ATP6V1C2: variants seen among roughly 807,000 people sequenced by gnomAD.
ATP6V1C2 encodes ATPase H+ transporting V1 subunit C2, also known as V-type proton ATPase subunit C 2.
ATP6V1C2 carries 45 observed loss-of-function variants against 56.8 expected under a neutral mutation model. The observed-to-expected ratio is 0.79, with a 90% CI of 0.62 to 1.02. The LOEUF (loss-of-function observed/expected upper bound fraction) is 1.02. Ranked by LOEUF, ATP6V1C2 falls within the 50% of genes least tolerant of loss-of-function variation. ATP6V1C2 has a pLI of 0.00. For missense variants in ATP6V1C2, 463 were observed against 519.7 expected (o/e 0.89, Z 1.06); for synonymous variants, 220 against 201.3 (o/e 1.09, Z -0.79).
intron 4 of ATP6V1C2, chr2:10,757,394 A>C: frequency 2.5e-6 from 1 of 395,434 alleles, no homozygotes; most frequent in East Asian, 3.6e-5. Context: ...GTATGTCTAT[A>C]TGGCTTAATA....
chr2:10,750,227 T>C (rs1275417045), intron 3 of ATP6V1C2, among the ~76,000 whole-genome samples: 2 of 152,184 alleles, frequency 1.3e-5, no homozygotes, highest in African/African-American at 2.4e-5. Context: ...GTTAAAGACT[T>C]CACAGAAGGG....
At chr2:10,771,000 G>T (rs1664565163) in intron 6 of ATP6V1C2, among the ~76,000 whole-genome samples, 1 of 152,216 alleles carries the variant, frequency 6.6e-6, no homozygotes, top group Non-Finnish European at 1.5e-5. Flanking sequence ...AGGGTAACGT[G>T]TTCAGTGCTA....
chr2:10,757,347 A>G (rs1663617643), intron 4 of ATP6V1C2: 2 of 397,916 alleles, frequency 5.0e-6, no homozygotes, highest in Non-Finnish European at 4.4e-6. Context: ...AAATTGACAT[A>G]TGGAAATGTT....
At position 10,778,369 on chromosome 2, in the gene ATP6V1C2, C is replaced by T. The variant is rs1665133603; in HGVS notation, c.964-203C>T. ...CCCCGTGCATGCACCGGGTGGCTGG[C>T]CCGCTGAGCTTCCCCGGCACCAGGT... On this transcript the variant is annotated intron_variant, in intron 11 of 13. Coordinates refer to ENST00000272238, the MANE Select transcript of ATP6V1C2 (RefSeq NM_001039362.2). 4 of 580,252 alleles carry T rather than the reference C, an allele frequency of 6.9e-6. No individual in the cohort carries two copies. The Admixed American group carries it at 1.2e-4, about 17-fold the overall frequency. 35.9% of individuals were successfully genotyped at this position (580,252 alleles called of 1,614,324 possible). A position where few individuals can be genotyped will look rare whatever the true frequency, so the allele number is the denominator to read the frequency against.
At chr2:10,751,015 T>G (rs1371616357) in intron 3 of ATP6V1C2, among the ~76,000 whole-genome samples, 2 of 152,196 alleles carry the variant, frequency 1.3e-5, no homozygotes, top group African/African-American at 4.8e-5. Context: ...AATGAACCAA[T>G]GAATTTATGG....
chr2:10,726,860 C>T (rs549217022), intron 3 of ATP6V1C2, among the ~76,000 whole-genome samples: 8 of 152,120 alleles, frequency 5.3e-5, no homozygotes, highest in Non-Finnish European at 1.2e-4. Flanking sequence ...AGTTTCCCAC[C>T]AAGCCTTTTT....
chr2:10,747,022 G>A (rs996293646), intron 3 of ATP6V1C2, among the ~76,000 whole-genome samples: 2 of 152,154 alleles, frequency 1.3e-5, no homozygotes, highest in East Asian at 1.9e-4. Context: ...CAATCCCAGC[G>A]CTTTGGGAGG....
In ATP6V1C2 at chr2:10,784,510, G is replaced by A. The variant is rs984554085; in HGVS notation, c.*1247G>A. ...TACGGATGGAAAAGCTCAGAACTCA[G>A]GTGAAACATTTCAACATCACATCAC... On this transcript the variant is annotated 3_prime_UTR_variant, in exon 14 of 14. Coordinates refer to ENST00000272238, the MANE Select transcript of ATP6V1C2 (RefSeq NM_001039362.2). The A allele has an allele frequency of 1.6e-5, 9 of 548,562 alleles. No homozygotes were observed. The Admixed American group carries it at 1.8e-4, about 11-fold the overall frequency. 34.0% of individuals were successfully genotyped at this position (548,562 alleles called of 1,614,324 possible).
At chr2:10,744,019 T>A (rs958983728) in intron 3 of ATP6V1C2, among the ~76,000 whole-genome samples, 7 of 149,850 alleles carry the variant, frequency 4.7e-5, no homozygotes, top group Non-Finnish European at 5.9e-5. Flanking sequence ...AATAAATAAA[T>A]AAATAAATAA....
chr2:10,759,966 C>T (rs1223557262), intron 4 of ATP6V1C2, among the ~76,000 whole-genome samples: 1 of 151,620 alleles, frequency 6.6e-6, no homozygotes, highest in Non-Finnish European at 1.5e-5. Flanking sequence ...AGATACCTCT[C>T]GCCAATTTTT....
chr2:10,760,035 T>TTG (rs1553330421), intron 4 of ATP6V1C2, among the ~76,000 whole-genome samples: 2 of 150,858 alleles, frequency 1.3e-5, no homozygotes, highest in East Asian at 3.9e-4. Flanking sequence ...TTTTTGTTTT[T>TTG]TTTTTTTTTG....
chr2:10,735,214 G>A (rs899109838), intron 3 of ATP6V1C2, among the ~76,000 whole-genome samples: 2 of 152,216 alleles, frequency 1.3e-5, no homozygotes, highest in African/African-American at 4.8e-5. Context: ...CTGTCACCCA[G>A]GCTGGAGTGC....
At chr2:10,782,833 A>C (rs1665462235) in intron 13 of ATP6V1C2, among the ~76,000 whole-genome samples, 2 of 39,866 alleles carry the variant, frequency 5.0e-5, no homozygotes, top group South Asian at 8.5e-4. Context: ...CTGTCTCAAA[A>C]AAAAAAAAAA....
intron 6 of ATP6V1C2, among the ~76,000 whole-genome samples, chr2:10,770,549 C>G (rs750112651): frequency 6.6e-6 from 1 of 152,254 alleles, no homozygotes; most frequent in Non-Finnish European, 1.5e-5. Flanking sequence ...TCCGTCCTGG[C>G]TTAGAGCCCA....
intron 5 of ATP6V1C2, among the ~76,000 whole-genome samples, chr2:10,768,417 T>C (rs557565000): frequency 6.6e-6 from 1 of 152,304 alleles, no homozygotes; most frequent in Admixed American, 6.5e-5. Context: ...TGAGCTGCCC[T>C]CCAGCAGAGC....
chr2:10,747,313 A>T, intron 3 of ATP6V1C2, among the ~76,000 whole-genome samples: 1 of 152,202 alleles, frequency 6.6e-6, no homozygotes, highest in East Asian at 1.9e-4. Context: ...TACTTTTCAT[A>T]TACTTTTACC....
chr2:10,751,193 A>G lies in ATP6V1C2; in HGVS notation c.198-2788A>G, dbSNP rs565821893. Among the ~76,000 whole-genome samples the G allele has an allele frequency of 9.9e-5, 15 of 152,250 alleles. No homozygotes were observed. The East Asian group carries it at 2.9e-3, about 29-fold the overall frequency. ...CACAACCCCTAGGCTGGCAGGGACAAGAGGATTGAGGTCACTGGAACTGGG... is the reference window on the plus strand; with the variant it reads ...CACAACCCCTAGGCTGGCAGGGACAGGAGGATTGAGGTCACTGGAACTGGG... On this transcript the variant is annotated intron_variant, in intron 3 of 13. Coordinates refer to ENST00000272238, the MANE Select transcript of ATP6V1C2 (RefSeq NM_001039362.2).
At chr2:10,727,133 G>A (rs1489054871) in intron 3 of ATP6V1C2, among the ~76,000 whole-genome samples, 4 of 148,964 alleles carry the variant, frequency 2.7e-5, no homozygotes, top group Non-Finnish European at 5.9e-5. Context: ...ACAATGGTCT[G>A]ATCGTGGCTC....
chr2:10,780,495 T>C lies in ATP6V1C2; in HGVS notation c.1062-1748T>C, dbSNP rs1665279561. On this transcript the variant is annotated intron_variant, in intron 12 of 13. Transcript: ENST00000272238. This position sits in a 1 kb window ranked among gnomAD's most constrained non-coding sequence, Gnocchi z 4.1. ...TGCACCGCACCCACACCTGTACCCA[T>C]GCGCACCTGTGCACGCCCATCTCAA... Among the ~76,000 whole-genome samples, 1 of 152,182 alleles carries C rather than the reference T, an allele frequency of 6.6e-6. No individual in the cohort carries two copies. Among genetic ancestry groups the C allele is most frequent in the African/African-American group, 2.4e-5 (1 of 41,452 alleles).
Sources: allele counts gnomAD v4.1 joint callset (sites outside exome capture counted in the v4.1 genomes callset), GRCh38; gene constraint gnomAD v4.1.1; non-coding constraint Gnocchi (gnomAD v3.1); transcripts MANE v1.5; gene names NCBI Gene and HGNC (gene_info 2026-07-23, HGNC 2026-07-21).